Variants in DSCAM observed in about 807,000 individuals in gnomAD.
The protein encoded by DSCAM is cell adhesion molecule DSCAM.
Under a neutral mutation model 217.7 loss-of-function variants are expected in DSCAM, and 47 were observed. That is an observed-to-expected ratio of 0.22 (90% CI 0.17 to 0.28). DSCAM has a LOEUF of 0.28. DSCAM is among the 10% of genes least tolerant of loss of function. The pLI is 1.00. For synonymous variants in DSCAM, 1,056 were observed against 1,015.3 expected, an observed-to-expected ratio of 1.04 and a Z score of -0.76; for missense variants, 2,080 against 2,618.3, an observed-to-expected ratio of 0.79 and a Z score of 4.49.
intron 3 of DSCAM, among the ~76,000 whole-genome samples, chr21:40,430,072 T>C (rs1364186200): frequency 6.6e-6 from 1 of 152,192 alleles, no homozygotes; most frequent in Non-Finnish European, 1.5e-5. Context: ...CTCACACACA[T>C]AGAGGGGGCT....
intron 2 of DSCAM, among the ~76,000 whole-genome samples, chr21:40,700,342 C>CT (rs1228169382): frequency 6.6e-6 from 1 of 152,124 alleles, no homozygotes; most frequent in African/African-American, 2.4e-5. Context: ...TTCGTAGTTG[C>CT]TTTTTATCAG....
chr21:40,822,362 T>G (rs2091936681), intron 1 of DSCAM, among the ~76,000 whole-genome samples: 1 of 145,440 alleles, frequency 6.9e-6, no homozygotes, highest in Non-Finnish European at 1.5e-5. Flanking sequence ...TTTAGAATGA[T>G]CAGGAGCTCA....
At chr21:40,297,781 T>C (rs377198693) in intron 9 of DSCAM, among the ~76,000 whole-genome samples, 47 of 152,230 alleles carry the variant, frequency 3.1e-4, no homozygotes, top group African/African-American at 1.1e-3. Flanking sequence ...TTACTTTCTG[T>C]AGAATGATTT....
At chr21:40,128,884 G>A (rs531494731) in intron 19 of DSCAM, among the ~76,000 whole-genome samples, 2 of 152,082 alleles carry the variant, frequency 1.3e-5, no homozygotes, top group African/African-American at 2.4e-5. Flanking sequence ...TTGTTTTAAC[G>A]TGTTAAGGTT....
intron 11 of DSCAM, among the ~76,000 whole-genome samples, chr21:40,191,988 C>T (rs971114907): frequency 1.3e-5 from 2 of 152,156 alleles, no homozygotes; most frequent in African/African-American, 4.8e-5. Context: ...CATATAAGGT[C>T]ATATTCCAAG....
At position 40,353,561 on chromosome 21, in the gene DSCAM, T is replaced by C. The variant is rs751689721; in HGVS notation, c.838A>G (p.Ile280Val). The C allele has an allele frequency of 6.2e-7, 1 of 1,611,198 alleles. No individual in the cohort carries two copies. Among genetic ancestry groups the C allele is most frequent in the Non-Finnish European group, 8.5e-7 (1 of 1,179,226 alleles). ...GAGTCCGAGGGGCGAATGTTCTCAA[T>C]GAGCAGCCCCGTCACGGTCTTCTGG... is the stretch of plus-strand genomic sequence containing the variant. ...RFQKTVTGLLIENIRPSDSGS... is the reference protein window; with the variant it reads ...RFQKTVTGLLVENIRPSDSGS... Residue 280 changes from isoleucine (I) to valine (V), a missense_variant, in exon 5 of 33, where the codon ATT becomes GTT. By Grantham distance (29) the Ile-to-Val change is conservative. Around this residue, in one of 5 missense-constraint regions of DSCAM, gnomAD observed 568 missense variants for 678.1 expected, o/e 0.84. Transcript: ENST00000400454.
At chr21:40,677,056 T>C (rs1029867098) in intron 3 of DSCAM, among the ~76,000 whole-genome samples, 2 of 152,136 alleles carry the variant, frequency 1.3e-5, no homozygotes, top group Non-Finnish European at 2.9e-5. Flanking sequence ...ACCATCTAAT[T>C]AGCCGGGGGG....
At chr21:40,319,437 A>ATGTGTGTGTGTGTGTGTG (rs536367981) in intron 8 of DSCAM, among the ~76,000 whole-genome samples, 210 of 151,598 alleles carry the variant, frequency 1.4e-3, no homozygotes, top group African/African-American at 4.5e-3. Context: ...TCGTGTGTGC[A>ATGTGTGTGTGTGTGTGTG]TGTGTGTGTG....
intron 3 of DSCAM, among the ~76,000 whole-genome samples, chr21:40,575,194 C>G (rs1425790840): frequency 2.1e-5 from 3 of 146,274 alleles, no homozygotes; most frequent in African/African-American, 4.9e-5. Context: ...AAAGCTCCCC[C>G]ACTGAGCACC....
chr21:40,339,500 T>C, intron 6 of DSCAM, 85 bp from the exon 7 acceptor site: 4 of 1,323,246 alleles, frequency 3.0e-6, no homozygotes, highest in Non-Finnish European at 4.1e-6. Context: ...GTCTAGGGGG[T>C]AAATGTCGTA....
At chr21:40,788,053 C>T (rs1481314609) in intron 1 of DSCAM, among the ~76,000 whole-genome samples, 1 of 152,172 alleles carries the variant, frequency 6.6e-6, no homozygotes, top group African/African-American at 2.4e-5. Flanking sequence ...TGTGGAACAT[C>T]CAAGCAAATC....
At chr21:40,326,881 A>G (rs1309057688) in intron 8 of DSCAM, among the ~76,000 whole-genome samples, 2 of 150,972 alleles carry the variant, frequency 1.3e-5, no homozygotes, top group Admixed American at 6.6e-5. Context: ...ATATATCTGT[A>G]ACCACATATA....
At chr21:40,069,157 T>G (rs569711554) in intron 27 of DSCAM, among the ~76,000 whole-genome samples, 1 of 151,966 alleles carries the variant, frequency 6.6e-6, no homozygotes, top group South Asian at 2.1e-4. Flanking sequence ...TACTCAACCA[T>G]TTTGCATGGC....
At chr21:40,207,869 C>T (rs529462481) in intron 11 of DSCAM, among the ~76,000 whole-genome samples, 2 of 152,292 alleles carry the variant, frequency 1.3e-5, no homozygotes, top group East Asian at 1.9e-4. Flanking sequence ...GGTCCTCACA[C>T]GGTCACTCCT....
chr21:40,258,023 G>A (rs2073398053), intron 11 of DSCAM, among the ~76,000 whole-genome samples: 1 of 152,168 alleles, frequency 6.6e-6, no homozygotes. Flanking sequence ...ACTCAGAATT[G>A]TGAAGTGCTT....
At chr21:40,478,173 G>A (rs2075953410) in intron 3 of DSCAM, among the ~76,000 whole-genome samples, 1 of 152,200 alleles carries the variant, frequency 6.6e-6, no homozygotes, top group Non-Finnish European at 1.5e-5. Flanking sequence ...ACATGGTTGT[G>A]TGTAGTTGTT....
chr21:40,494,135 CAAA>C (rs765974770), intron 3 of DSCAM, among the ~76,000 whole-genome samples: 2 of 151,948 alleles, frequency 1.3e-5, no homozygotes, highest in Non-Finnish European at 2.9e-5. Flanking sequence ...AAGAAAGAAA[CAAA>C]GGATCTACAA....
At chr21:40,105,134 T>C (rs1057029792) in intron 20 of DSCAM, among the ~76,000 whole-genome samples, 6 of 152,186 alleles carry the variant, frequency 3.9e-5, no homozygotes, top group Non-Finnish European at 8.8e-5. Flanking sequence ...ATAAATTACA[T>C]GATTGGGCTC....
At chr21:40,659,138 G>T (rs908741955) in intron 3 of DSCAM, among the ~76,000 whole-genome samples, 4 of 151,924 alleles carry the variant, frequency 2.6e-5, no homozygotes, top group African/African-American at 9.7e-5. Context: ...GCCTCCAAGG[G>T]TCAAAAAAAA....
Sources: allele counts gnomAD v4.1 joint callset (sites outside exome capture counted in the v4.1 genomes callset), GRCh38; gene constraint gnomAD v4.1.1; regional missense constraint gnomAD v4.1.1; transcripts MANE v1.5; gene names NCBI Gene and HGNC (gene_info 2026-07-23, HGNC 2026-07-21).